Variants in UCHL5 observed in about 807,000 individuals in gnomAD.
The protein encoded by UCHL5 is ubiquitin C-terminal hydrolase L5, also known as ubiquitin carboxyl-terminal hydrolase isozyme L5.
UCHL5 carries 34 observed loss-of-function variants against 53.8 expected under a neutral mutation model. The ratio of observed to expected loss-of-function variants is 0.63; its 90% confidence interval spans 0.48 to 0.84. The LOEUF is 0.84. Among genes scored for constraint, UCHL5 ranks in the 40% least tolerant of loss-of-function variants. UCHL5 has a pLI of 0.00. For missense variants in UCHL5, 290 were observed against 385.6 expected (o/e 0.75, Z 2.08); for synonymous variants, 111 against 126.3 (o/e 0.88, Z 0.81).
chr1:193,051,685 A>T, intron 2 of UCHL5, 69 bp downstream of exon 2: 1 of 968,650 alleles, frequency 1.0e-6, no homozygotes, highest in South Asian at 1.9e-5. Context: ...AAACAAACAA[A>T]TCTGAATATC....
At chr1:193,046,432 G>A (rs934462851) in intron 3 of UCHL5, among the ~76,000 whole-genome samples, 1 of 151,870 alleles carries the variant, frequency 6.6e-6, no homozygotes, top group Non-Finnish European at 1.5e-5. Context: ...CACTAAAGGA[G>A]GCAGTGTTGT....
At chr1:193,021,041 T>A in intron 10 of UCHL5, 56 bp downstream of exon 10, 1 of 1,319,486 alleles carries the variant, frequency 7.6e-7, no homozygotes, top group Non-Finnish European at 1.1e-6. Context: ...AAAAATACAT[T>A]TTATGTTTTT....
At chr1:193,027,772 T>G in intron 7 of UCHL5, 1 of 514,796 alleles carries the variant, frequency 1.9e-6, no homozygotes, top group Non-Finnish European at 3.3e-6. Context: ...GACATACTAC[T>G]ACATGAAATT....
intron 7 of UCHL5, chr1:193,027,809 A>T: frequency 1.1e-6 from 1 of 881,354 alleles, no homozygotes; most frequent in Non-Finnish European, 1.7e-6. Flanking sequence ...TAGACTTCTT[A>T]AATGCATTAA....
intron 3 of UCHL5, among the ~76,000 whole-genome samples, chr1:193,036,317 CAAA>C (rs960496083): frequency 9.8e-5 from 5 of 50,804 alleles, no homozygotes; most frequent in Middle Eastern, 0.017. Flanking sequence ...AACTGGAAAC[CAAA>C]AAAAAAAAAA....
chr1:193,056,566 T>C (rs1038768763), intron 1 of UCHL5, among the ~76,000 whole-genome samples: 8 of 152,202 alleles, frequency 5.3e-5, no homozygotes, highest in South Asian at 2.1e-4. Context: ...ATATGTATTA[T>C]GTGTGGACCA....
rs1553255148 is a variant in UCHL5, at chr1:193,043,151, T to TTTAAAAAAAAAAAAA, written c.246+6594_246+6595insTTTTTTTTTTTTTAA. ...TGGAGCCTTGACAGCTCTTGAATAT[T>TTTAAAAAAAAAAAAA]AAAAAAAAAAAAAAAAAAAAAAAAA... On this transcript the variant is annotated intron_variant, in intron 3 of 10. Transcript: ENST00000367454. Among the ~76,000 whole-genome samples, 5 of 36,372 alleles carry TTTAAAAAAAAAAAAA rather than the reference T, an allele frequency of 1.4e-4. 1 individual carries two copies. In the Admixed American group the frequency reaches 1.9e-3, roughly 14 times the overall value. 23.9% of individuals were successfully genotyped at this position (36,372 alleles called of 152,430 possible). A position where few individuals can be genotyped will look rare whatever the true frequency, so the allele number is the denominator to read the frequency against.
chr1:193,059,388 C>G, upstream of UCHL5: 1 of 1,608,964 alleles, frequency 6.2e-7, no homozygotes, highest in Non-Finnish European at 8.5e-7. This position sits in a 1 kb window ranked among gnomAD's most constrained non-coding sequence, Gnocchi z 4.9. Context: ...CCGCCTACTT[C>G]CCGACAGCCT....
intron 6 of UCHL5, among the ~76,000 whole-genome samples, chr1:193,028,648 G>T (rs1002950197): frequency 3.9e-5 from 6 of 152,126 alleles, no homozygotes; most frequent in Admixed American, 6.6e-5. Context: ...TTTGATAAGT[G>T]TTTATCATTT....
intron 1 of UCHL5, among the ~76,000 whole-genome samples, chr1:193,055,843 T>C (rs1460647086): frequency 6.6e-6 from 1 of 152,216 alleles, no homozygotes; most frequent in Non-Finnish European, 1.5e-5. Flanking sequence ...TCTGCAATTT[T>C]CTTTTCTAGT....
At chr1:193,051,875 T>C (rs922062877) in intron 1 of UCHL5, 58 bp from the exon 2 acceptor site, 3 of 1,248,398 alleles carry the variant, frequency 2.4e-6, no homozygotes, top group Non-Finnish European at 3.4e-6. Context: ...TCCTTCAACA[T>C]GAAATAAAAT....
chr1:193,028,301 CATAA>C (rs1187327844), intron 6 of UCHL5, among the ~76,000 whole-genome samples, 153 bp from the exon 7 acceptor site: 4 of 151,844 alleles, frequency 2.6e-5, no homozygotes, highest in South Asian at 2.1e-4. Context: ...GTTTCAATTC[CATAA>C]ATAAATTTTT....
rs996290202 is a variant in UCHL5, at chr1:193,013,765, C to T, written c.*2586G>A. The T allele has an allele frequency of 1.3e-5, 2 of 152,076 alleles. No homozygotes were observed. Among genetic ancestry groups the T allele is most frequent in the African/African-American group, 4.8e-5 (2 of 41,398 alleles). The allele number at this position is 152,076 out of a possible 1,614,324, so 9.4% of individuals were successfully genotyped here. A position where few individuals can be genotyped will look rare whatever the true frequency, so the allele number is the denominator to read the frequency against. On this transcript the variant is annotated 3_prime_UTR_variant, in exon 11 of 11. Coordinates refer to ENST00000367454, the MANE Select transcript of UCHL5 (RefSeq NM_001199261.3). ...TGAAAGTATTAATCTGCATGTAACACCATAATATACACACAAATATGTACC... is the reference window on the plus strand; with the variant it reads ...TGAAAGTATTAATCTGCATGTAACATCATAATATACACACAAATATGTACC...
intron 3 of UCHL5, among the ~76,000 whole-genome samples, chr1:193,031,495 T>C (rs1164148211): frequency 6.6e-6 from 1 of 152,174 alleles, no homozygotes; most frequent in African/African-American, 2.4e-5. Flanking sequence ...GTCCATGATA[T>C]ATTAGAACTC....
At chr1:193,035,083 T>C (rs1662874536) in intron 3 of UCHL5, among the ~76,000 whole-genome samples, 1 of 151,504 alleles carries the variant, frequency 6.6e-6, no homozygotes, top group South Asian at 2.1e-4. Flanking sequence ...AAGGAGGAAA[T>C]AAAACTATCA....
intron 10 of UCHL5, chr1:193,018,607 A>G: frequency 8.0e-7 from 1 of 1,246,308 alleles, no homozygotes; most frequent in Non-Finnish European, 1.0e-6. Context: ...AGCCATGCCG[A>G]GGGAGAATCA....
At position 193,016,217 on chromosome 1, in the gene UCHL5, A is replaced by T; in HGVS notation, c.*134T>A. On this transcript the variant is annotated 3_prime_UTR_variant, in exon 11 of 11. Transcript: ENST00000367454. ...GAAGAAGTTTATGAATCCATGCATT[A>T]AAGACAAGACAGGCTGGCACTATTG... 2 of 937,520 alleles carry T rather than the reference A, an allele frequency of 2.1e-6. No individual in the cohort carries two copies. Among genetic ancestry groups the T allele is most frequent in the South Asian group, 1.5e-5 (1 of 64,530 alleles). 58.1% of individuals were successfully genotyped at this position (937,520 alleles called of 1,614,324 possible). A position where few individuals can be genotyped will look rare whatever the true frequency, so the allele number is the denominator to read the frequency against.
intron 1 of UCHL5, among the ~76,000 whole-genome samples, chr1:193,052,866 A>G (rs993800116): frequency 2.0e-5 from 3 of 152,196 alleles, no homozygotes; most frequent in Non-Finnish European, 4.4e-5. Flanking sequence ...ATTAAAACCC[A>G]CATCAGGTTT....
chr1:193,027,026 A>G (rs1162257558), intron 7 of UCHL5, among the ~76,000 whole-genome samples: 2 of 152,228 alleles, frequency 1.3e-5, no homozygotes, highest in South Asian at 2.1e-4. Context: ...CATATATAAC[A>G]TTCTTTAAAT....
Sources: allele counts gnomAD v4.1 joint callset (sites outside exome capture counted in the v4.1 genomes callset), GRCh38; gene constraint gnomAD v4.1.1; non-coding constraint Gnocchi (gnomAD v3.1); transcripts MANE v1.5; gene names NCBI Gene and HGNC (gene_info 2026-07-23, HGNC 2026-07-21).